The following MRTFA variants were observed in gnomAD, a reference collection of about 807,000 sequenced individuals.
The protein encoded by MRTFA is myocardin related transcription factor A, also known as myocardin-related transcription factor A.
A neutral mutation model predicts 83.5 loss-of-function variants in MRTFA; 20 were observed. The ratio of observed to expected loss-of-function variants is 0.24; its 90% CI spans 0.17 to 0.35. MRTFA has a LOEUF of 0.35. Ranked by LOEUF, MRTFA falls within the 10% of genes least tolerant of loss-of-function variation. The pLI, the probability that MRTFA is intolerant of heterozygous loss-of-function variation, is 1.00. For missense variants in MRTFA, 1,200 were observed against 1,224.7 expected, an observed-to-expected ratio of 0.98 and a Z score of 0.30; for synonymous variants, 659 against 541.2, an observed-to-expected ratio of 1.22 and a Z score of -3.02.
At chr22:40,548,567 T>C (rs968752625) in intron 3 of MRTFA, among the ~76,000 whole-genome samples, 5 of 150,920 alleles carry the variant, frequency 3.3e-5, no homozygotes, top group African/African-American at 1.2e-4. Context: ...TGTATAAAAA[T>C]ATACCATTTA....
chr22:40,559,995 T>C (rs2055590301), intron 2 of MRTFA, among the ~76,000 whole-genome samples: 1 of 152,168 alleles, frequency 6.6e-6, no homozygotes. Context: ...ACACACACTT[T>C]ACCAAATATT....
chr22:40,611,335 C>T (rs994314576), intron 1 of MRTFA, among the ~76,000 whole-genome samples: 1 of 152,022 alleles, frequency 6.6e-6, no homozygotes, highest in African/African-American at 2.4e-5. Flanking sequence ...TTCCTGGATT[C>T]GAGTGATCCT....
At position 40,424,240 on chromosome 22, in the gene MRTFA, G is replaced by T; in HGVS notation, c.743C>A (p.Pro248Gln). Residue 248 changes from proline to glutamine, a missense_variant, in exon 8 of 15, where the codon CCA (proline) becomes CAA (glutamine). Around this residue, in one of 2 missense-constraint regions of MRTFA, gnomAD observed 1,107 missense variants for 1,041.8 expected, o/e 1.06. Transcript: ENST00000355630. The stretch of plus-strand genomic sequence containing the variant: ...GGATGCAGAGGTGGCACTGAGCAGT[G>T]GTTCGCTGACTCGGGCCTCCAGGGG... 1 of 1,606,846 alleles carries T rather than the reference G, an allele frequency of 6.2e-7. No homozygotes were observed. The highest frequency in any genetic ancestry group is 8.5e-7 in the Non-Finnish European group (1 of 1,177,694).
intron 2 of MRTFA, chr22:40,587,079 A>C (rs899285601): frequency 1.3e-5 from 6 of 453,010 alleles, no homozygotes; most frequent in Non-Finnish European, 2.7e-5. Context: ...TGTCCCCAGG[A>C]CTCTACGATG....
chr22:40,479,262 G>T (rs974099461), intron 3 of MRTFA, among the ~76,000 whole-genome samples: 1 of 152,096 alleles, frequency 6.6e-6, no homozygotes, highest in Non-Finnish European at 1.5e-5. Flanking sequence ...CCAGCTAAGG[G>T]GAGAATGCAT....
At chr22:40,613,246 GC>G (rs1365277769) in intron 1 of MRTFA, among the ~76,000 whole-genome samples, 3 of 151,986 alleles carry the variant, frequency 2.0e-5, no homozygotes, top group Non-Finnish European at 4.4e-5. Context: ...CCTGTTGATG[GC>G]ATTTGGGTTG....
At chr22:40,618,356 CTGGG>C in intron 1 of MRTFA, among the ~76,000 whole-genome samples, 1 of 150,628 alleles carries the variant, frequency 6.6e-6, no homozygotes, top group East Asian at 2.0e-4. Context: ...TCCCAAAGTG[CTGGG>C]ATTACAGGCA....
intron 3 of MRTFA, among the ~76,000 whole-genome samples, chr22:40,549,885 C>T (rs1872640943): frequency 6.6e-6 from 1 of 151,952 alleles, no homozygotes; most frequent in Non-Finnish European, 1.5e-5. Flanking sequence ...AACCCTGTCA[C>T]TAAAAATACA....
intron 1 of MRTFA, among the ~76,000 whole-genome samples, chr22:40,606,780 T>C (rs1461235951): frequency 6.6e-6 from 1 of 152,084 alleles, no homozygotes; most frequent in Non-Finnish European, 1.5e-5. Context: ...ATAAGGGAGT[T>C]TGGTGGCAAA....
chr22:40,417,988 A>C (rs925662328), intron 12 of MRTFA, among the ~76,000 whole-genome samples: 3 of 152,122 alleles, frequency 2.0e-5, no homozygotes, highest in East Asian at 3.9e-4. Flanking sequence ...GAGGACCCTG[A>C]GCTGGATCCT....
intron 2 of MRTFA, among the ~76,000 whole-genome samples, chr22:40,557,873 A>G (rs1344947288): frequency 2.0e-5 from 3 of 152,116 alleles, no homozygotes; most frequent in African/African-American, 7.2e-5. Flanking sequence ...TCCCGGCCTC[A>G]AGCAATCCTC....
chr22:40,590,969 C>CA (rs898275958), intron 2 of MRTFA, among the ~76,000 whole-genome samples: 1 of 151,270 alleles, frequency 6.6e-6, no homozygotes, highest in African/African-American at 2.4e-5. Flanking sequence ...CCGTCTCTAC[C>CA]AAAAAAATAC....
At chr22:40,526,383 GA>G in intron 3 of MRTFA, 1 of 152,308 alleles carries the variant, frequency 6.6e-6, no homozygotes, top group Non-Finnish European at 1.5e-5. Context: ...AACAAGCCAT[GA>G]GGCTACTCAG....
At chr22:40,435,252 G>A (rs75075962) in intron 5 of MRTFA, among the ~76,000 whole-genome samples, 2,978 of 152,276 alleles carry the variant, frequency 0.02, 44 homozygotes, top group Non-Finnish European at 0.034. Flanking sequence ...ATCCTTAAAT[G>A]TACAAAAAGA....
Position 40,477,207 on chromosome 22 carries a change from G to A in MRTFA, c.242-13921C>T, listed in dbSNP as rs1170870417. ...AAAAAAAAAAAAAAAAAAAATAGCC[G>A]GGCATGGTGGCGGGCACTTGTAATC... On this transcript the variant is annotated intron_variant, in intron 3 of 14. Coordinates refer to ENST00000355630, the MANE Select transcript of MRTFA (RefSeq NM_020831.6). Among the ~76,000 whole-genome samples the A allele has an allele frequency of 4.0e-5, 6 of 149,940 alleles. No homozygotes were observed. In the East Asian group the frequency reaches 5.8e-4, roughly 15 times the overall value.
intron 4 of MRTFA, among the ~76,000 whole-genome samples, chr22:40,459,521 C>T (rs1016987888): frequency 2.0e-5 from 3 of 151,868 alleles, no homozygotes; most frequent in Non-Finnish European, 4.4e-5. Flanking sequence ...CAATTATTCT[C>T]ACTTCACAGA....
At chr22:40,519,326 C>A in intron 3 of MRTFA, 1 of 897,842 alleles carries the variant, frequency 1.1e-6, no homozygotes, top group South Asian at 1.4e-5. Flanking sequence ...AGAGATGGTC[C>A]TTCTCACTTA....
At chr22:40,620,581 T>C (rs2147433295) in intron 1 of MRTFA, among the ~76,000 whole-genome samples, 1 of 151,960 alleles carries the variant, frequency 6.6e-6, no homozygotes, top group Non-Finnish European at 1.5e-5. Flanking sequence ...GCCAACAAAA[T>C]ATGTTAAAAT....
At chr22:40,614,301 CT>C (rs1294990413) in intron 1 of MRTFA, among the ~76,000 whole-genome samples, 1 of 151,584 alleles carries the variant, frequency 6.6e-6, no homozygotes, top group Non-Finnish European at 1.5e-5. Context: ...GTCCCAGCTA[CT>C]TGGGAGGCTA....
Sources: gnomAD v4.1 joint callset for allele counts (sites outside exome capture counted in the v4.1 genomes callset) on GRCh38, gnomAD v4.1.1 for gene constraint, gnomAD v4.1.1 regional missense constraint, MANE v1.5 for transcripts, NCBI Gene and HGNC (gene_info 2026-07-23, HGNC 2026-07-21) for gene names.